GXYLT2: variants seen among roughly 807,000 people sequenced by gnomAD.
GXYLT2 encodes glycosyltransferase 8 domain containing 4.
In GXYLT2, 53 loss-of-function variants were observed where a neutral mutation model predicts 45.8. The ratio of observed to expected loss-of-function variants is 1.16; its 90% CI spans 0.93 to 1.46. The LOEUF is 1.46. GXYLT2 is among the 40% of genes most tolerant of loss of function. GXYLT2 has a pLI of 0.00. For synonymous variants in GXYLT2, 219 were observed against 214.2 expected (o/e 1.02, Z -0.19); for missense variants, 551 against 544.4 (o/e 1.01, Z -0.12).
chr3:72,889,254 A>C (rs551511662), intron 1 of GXYLT2, among the ~76,000 whole-genome samples: 2 of 152,208 alleles, frequency 1.3e-5, no homozygotes, highest in South Asian at 2.1e-4. Flanking sequence ...TAGGGATTTG[A>C]GTTCATTTCC....
intron 4 of GXYLT2, among the ~76,000 whole-genome samples, chr3:72,955,993 G>T (rs757726969): frequency 1.3e-5 from 2 of 152,168 alleles, no homozygotes; most frequent in African/African-American, 4.8e-5. Flanking sequence ...CAGGAGAATC[G>T]TGTGAACCCG....
chr3:72,925,190 T>G (rs1709896541), intron 3 of GXYLT2, among the ~76,000 whole-genome samples: 3 of 149,518 alleles, frequency 2.0e-5, no homozygotes, highest in Non-Finnish European at 4.4e-5. Context: ...AGAGTCTCAC[T>G]CTGTCGCCCA....
intron 3 of GXYLT2, among the ~76,000 whole-genome samples, chr3:72,923,517 G>A (rs985295529): frequency 6.6e-6 from 1 of 152,150 alleles, no homozygotes; most frequent in African/African-American, 2.4e-5. Flanking sequence ...CACAGGGATA[G>A]CAACTTTGAA....
At chr3:72,914,527 ATG>A (rs141322523) in intron 2 of GXYLT2, among the ~76,000 whole-genome samples, 16,316 of 149,784 alleles carry the variant, frequency 0.11, 1,543 homozygotes, top group East Asian at 0.36. Context: ...TTACATATAT[ATG>A]TGTGTGTGTG....
Position 72,955,253 on chromosome 3 carries a change from C to A in GXYLT2, c.756C>A (p.Tyr252Ter). Residue 252 changes from tyrosine to a stop codon, truncating the protein, a stop_gained, in exon 4 of 7, where the codon TAC becomes TAA. Coordinates refer to ENST00000389617, the MANE Select transcript of GXYLT2 (RefSeq NM_001080393.2). LOFTEE classifies it high-confidence loss of function. ...ACGAAATCCCCAAGATTGGCTGGTACAGCCGCTTTGCTAGGCATCCTTTCT... is the reference window on the plus strand; with the variant it reads ...ACGAAATCCCCAAGATTGGCTGGTAAAGCCGCTTTGCTAGGCATCCTTTCT... ...PEHEIPKIGW[Y>*]SRFARHPFYG... The A allele has an allele frequency of 5.6e-6, 9 of 1,614,026 alleles. No individual in the cohort carries two copies. Among genetic ancestry groups the A allele is most frequent in the Non-Finnish European group, 7.6e-6 (9 of 1,179,902 alleles).
intron 2 of GXYLT2, among the ~76,000 whole-genome samples, chr3:72,915,704 C>T (rs1709729049): frequency 6.6e-6 from 1 of 152,038 alleles, no homozygotes; most frequent in African/African-American, 2.4e-5. Flanking sequence ...CATGTTGTGG[C>T]ATGCGCCTGT....
intron 3 of GXYLT2, among the ~76,000 whole-genome samples, chr3:72,932,397 T>G (rs1243026584): frequency 6.6e-6 from 1 of 152,218 alleles, no homozygotes; most frequent in Non-Finnish European, 1.5e-5. Context: ...AGTATTTAAT[T>G]TTGTTTAATT....
chr3:72,955,689 G>A (rs986086669), intron 4 of GXYLT2, among the ~76,000 whole-genome samples: 4 of 152,264 alleles, frequency 2.6e-5, no homozygotes, highest in East Asian at 3.9e-4. Flanking sequence ...AGTCCGTGAC[G>A]ATATTTGTAT....
At chr3:72,896,310 C>T (rs531190723) in intron 1 of GXYLT2, among the ~76,000 whole-genome samples, 11 of 152,346 alleles carry the variant, frequency 7.2e-5, no homozygotes, top group Admixed American at 4.6e-4. Context: ...CCTGGTGGCT[C>T]ATGCCTGTAA....
rs941990744 is a variant in GXYLT2 at position 72,965,973 on chromosome 3, T to G, written c.977-1574T>G. Among the ~76,000 whole-genome samples, 4 of 152,142 alleles carry G rather than the reference T, an allele frequency of 2.6e-5. No homozygotes were observed. The East Asian group carries it at 7.7e-4, about 29-fold the overall frequency. ...TTCTCTTTCCTGTTGTAGGTGGGGT[T>G]TTTTTGTTGTGTTGGTTTTTGTTTT... On this transcript the variant is annotated intron_variant, in intron 5 of 6. Transcript: ENST00000389617.
At chr3:72,970,433 G>T (rs1309606801) in intron 6 of GXYLT2, among the ~76,000 whole-genome samples, 1 of 151,040 alleles carries the variant, frequency 6.6e-6, no homozygotes, top group African/African-American at 2.4e-5. Flanking sequence ...AGGCTGAGGT[G>T]AGGAGTTCAA....
chr3:72,957,135 T>C, intron 4 of GXYLT2, 94 bp from the exon 5 acceptor site: 1 of 1,304,094 alleles, frequency 7.7e-7, no homozygotes, highest in Non-Finnish European at 1.0e-6. Flanking sequence ...TTCCCTCCTC[T>C]GAAGGGAAGA....
Position 72,929,648 on chromosome 3 carries a change from G to A in GXYLT2, c.600+7313G>A, listed in dbSNP as rs1207116562. On this transcript the variant is annotated intron_variant, in intron 3 of 6. Transcript: ENST00000389617. Reference sequence around the variant, plus strand: ...ATGGGGTGACTTCCCTGGTCACCAAGGCAGTGCATGCATGTTGGGGTTTCC... The same window carrying A: ...ATGGGGTGACTTCCCTGGTCACCAAAGCAGTGCATGCATGTTGGGGTTTCC... 38 of 789,048 alleles carry A rather than the reference G, an allele frequency of 4.8e-5. No individual in the cohort carries two copies. In the Admixed American group the frequency reaches 6.6e-4, roughly 14 times the overall value. 48.9% of individuals were successfully genotyped at this position (789,048 alleles called of 1,614,324 possible). A position where few individuals can be genotyped will look rare whatever the true frequency, so the allele number is the denominator to read the frequency against.
chr3:72,926,808 A>G (rs1281023635), intron 3 of GXYLT2: 1 of 152,224 alleles, frequency 6.6e-6, no homozygotes, highest in Admixed American at 6.5e-5. Context: ...CCAATATGGT[A>G]ATTTGAGGTA....
intron 1 of GXYLT2, among the ~76,000 whole-genome samples, chr3:72,903,209 T>C (rs1709439589): frequency 6.6e-6 from 1 of 152,174 alleles, no homozygotes. Context: ...TTGGAATACA[T>C]GGAATTAGGA....
intron 3 of GXYLT2, among the ~76,000 whole-genome samples, chr3:72,952,945 C>G (rs182097904): frequency 1.3e-5 from 2 of 152,100 alleles, no homozygotes; most frequent in Non-Finnish European, 2.9e-5. Flanking sequence ...CAGGAAGATT[C>G]AAATCCTTCC....
chr3:72,946,546 T>C (rs1710410798), intron 3 of GXYLT2, among the ~76,000 whole-genome samples: 1 of 152,132 alleles, frequency 6.6e-6, no homozygotes, highest in African/African-American at 2.4e-5. Flanking sequence ...TCAGCATCTG[T>C]CTGGTGAGGA....
At chr3:72,970,614 C>G (rs572848220) in intron 6 of GXYLT2, among the ~76,000 whole-genome samples, 3 of 152,158 alleles carry the variant, frequency 2.0e-5, no homozygotes, top group Admixed American at 2.0e-4. Context: ...AATCCCAGCA[C>G]TTTGGGAGGC....
At chr3:72,937,241 C>T (rs1029433361) in intron 3 of GXYLT2, among the ~76,000 whole-genome samples, 2 of 152,196 alleles carry the variant, frequency 1.3e-5, no homozygotes, top group East Asian at 3.9e-4. Flanking sequence ...AATAAATATG[C>T]ATTGCATTTA....
Sources: allele counts gnomAD v4.1 joint callset (sites outside exome capture counted in the v4.1 genomes callset), GRCh38; gene constraint gnomAD v4.1.1; transcripts MANE v1.5; gene names NCBI Gene and HGNC (gene_info 2026-07-23, HGNC 2026-07-21).